The following G3BP1 variants were observed in gnomAD, a reference collection of about 807,000 sequenced individuals.
The protein encoded by G3BP1 is ras GTPase-activating protein-binding protein 1.
G3BP1 carries 35 observed loss-of-function variants against 58.6 expected under a neutral mutation model. That is an observed-to-expected ratio of 0.60 (90% CI 0.46 to 0.79). The LOEUF (loss-of-function observed/expected upper bound fraction) is 0.79. Ranked by LOEUF, G3BP1 falls within the 30% of genes least tolerant of loss-of-function variation. G3BP1 has a pLI of 0.00. For missense variants in G3BP1, 523 were observed against 580.8 expected (o/e 0.90, Z 1.02); for synonymous variants, 191 against 195.4 (o/e 0.98, Z 0.19).
Position 151,794,156 on chromosome 5 carries a change from C to A in G3BP1, c.352-3C>A, listed in dbSNP as rs1446687168. On this transcript the variant is annotated splice_polypyrimidine_tract_variant and splice_region_variant and intron_variant, in intron 4 of 11. Coordinates refer to ENST00000356245, the MANE Select transcript of G3BP1 (RefSeq NM_005754.3). ...AAATTAAAACTTTCTGTTGGCATTG[C>A]AGGGGTCTGTTGCAAATAAATTCTA... is the stretch of plus-strand genomic sequence containing the variant. 1.3e-6 allele frequency: 2 copies of A among 1,573,164 alleles called. No homozygotes were observed. The highest frequency in any genetic ancestry group is 1.7e-5 in the Admixed American group (1 of 59,862).
In G3BP1 at chr5:151,800,250, C is replaced by T. The variant is rs770183512; in HGVS notation, c.988C>T (p.Pro330Ser). 2.5e-6 allele frequency: 4 copies of T among 1,612,714 alleles called. No individual in the cohort carries two copies. The highest frequency in any genetic ancestry group is 3.4e-6 in the Non-Finnish European group (4 of 1,179,580). The change falls in exon 10 of 12, where the codon CCC (proline) becomes TCC (serine). Residue 330 changes from proline (P) to serine (S), a missense_variant. Physicochemically the swap from Pro to Ser is moderately conservative, Grantham distance 74. This residue lies in a region of G3BP1 where 398 missense variants were observed against 399.1 expected (regional missense o/e 1.00). Transcript: ENST00000356245. ...GGCTGGTGAGCAAGGTGACATTGAA[C>T]CCCGAAGAATGGTGAGACACCCTGA... ...REAGEQGDIE[P>S]RRMVRHPDSH...
chr5:151,796,772 A>G (rs1481681404), intron 6 of G3BP1, among the ~76,000 whole-genome samples: 1 of 152,180 alleles, frequency 6.6e-6, no homozygotes, highest in Non-Finnish European at 1.5e-5. Flanking sequence ...TGTTAACTGT[A>G]TAGATGTGGT....
chr5:151,802,935 A>T (rs370463845), intron 11 of G3BP1, among the ~76,000 whole-genome samples: 222 of 152,304 alleles, frequency 1.5e-3, no homozygotes, highest in Middle Eastern at 3.4e-3. Context: ...TCCATCTCAA[A>T]AAATAAATAA....
At chr5:151,779,190 G>A (rs539058293) in intron 1 of G3BP1, among the ~76,000 whole-genome samples, 57 of 152,252 alleles carry the variant, frequency 3.7e-4, no homozygotes, top group African/African-American at 1.3e-3. Flanking sequence ...GGCAGTCTAC[G>A]TGATCAATTC....
At chr5:151,787,766 T>C in intron 2 of G3BP1, 1 of 270,352 alleles carries the variant, frequency 3.7e-6, no homozygotes, top group South Asian at 3.3e-5. Context: ...CTTGACCAGC[T>C]TGCATATTGG....
intron 1 of G3BP1, among the ~76,000 whole-genome samples, chr5:151,785,865 G>A (rs544648222): frequency 6.6e-6 from 1 of 152,096 alleles, no homozygotes; most frequent in Admixed American, 6.5e-5. Context: ...ATTTAGATGG[G>A]CCAGAAAATG....
chr5:151,774,903 T>C (rs982666010), intron 1 of G3BP1, among the ~76,000 whole-genome samples: 3 of 151,052 alleles, frequency 2.0e-5, no homozygotes, highest in Non-Finnish European at 4.4e-5. Flanking sequence ...AGGTTTATAA[T>C]TTTATATCTC....
At chr5:151,795,341 C>T (rs1298895786) in intron 5 of G3BP1, 138 bp from the exon 6 acceptor site, 1 of 580,996 alleles carries the variant, frequency 1.7e-6, no homozygotes, top group Non-Finnish European at 3.1e-6. Flanking sequence ...AAAGTCAGTG[C>T]CATGATTTTA....
intron 1 of G3BP1, among the ~76,000 whole-genome samples, chr5:151,778,394 ATATCT>A (rs1167151721): frequency 6.6e-6 from 1 of 152,160 alleles, no homozygotes; most frequent in African/African-American, 2.4e-5. Context: ...CTTTGGCGAA[ATATCT>A]TTAAGTCTTT....
rs543326124 is a variant in G3BP1 at position 151,798,361 on chromosome 5, A to G, written c.742-851A>G. On this transcript the variant is annotated intron_variant, in intron 7 of 11. Coordinates refer to ENST00000356245, the MANE Select transcript of G3BP1 (RefSeq NM_005754.3). ...AAGACCTTGTCACAAGAACAAAACC[A>G]TAAGAAGCAAGTGGAAAAGTAGGTT... Among the ~76,000 whole-genome samples the G allele has an allele frequency of 4.3e-4, 65 of 152,180 alleles. 3 individuals carry two copies. The South Asian group carries it at 0.01, about 24-fold the overall frequency.
At position 151,790,717 on chromosome 5, in the gene G3BP1, C is replaced by T. The variant is rs80168777; in HGVS notation, c.178-172C>T. ...GACAGTTATTTAAAAAACTCAAGCG[C>T]GGTCACTGGGAATAGAGTATACAAA... On this transcript the variant is annotated intron_variant, in intron 3 of 11. Transcript: ENST00000356245. Among the ~76,000 whole-genome samples the T allele has an allele frequency of 8.8e-3, 1,334 of 152,088 alleles. 16 individuals are homozygous for T. Among genetic ancestry groups the T allele is most frequent in the African/African-American group, 0.031 (1,268 of 41,480 alleles).
At position 151,804,078 on chromosome 5, in the gene G3BP1, C is replaced by T. The variant is rs201757189; in HGVS notation, c.1388C>T (p.Ala463Val). Residue 463 changes from alanine (A) to valine (V), a missense_variant, in exon 12 of 12, where the codon GCG (alanine) becomes GTG (valine). Coordinates refer to ENST00000356245, the MANE Select transcript of G3BP1 (RefSeq NM_005754.3). ...GGATTTGGAGTGGGAAGGGGGCTTG[C>T]GCCACGGCAGTGAATCTTCATGGAT... ...KPGFGVGRGL[A>V]PRQ The T allele has an allele frequency of 1.3e-5, 21 of 1,600,910 alleles. No homozygotes were observed. Among genetic ancestry groups the T allele is most frequent in the Non-Finnish European group, 1.5e-5 (17 of 1,171,868 alleles).
Position 151,809,298 on chromosome 5 carries a change from T to G in G3BP1, c.*5207T>G, listed in dbSNP as rs963691696. 1.3e-5 allele frequency: 2 copies of G among 152,208 alleles called. No individual in the cohort carries two copies. Among genetic ancestry groups the G allele is most frequent in the African/African-American group, 4.8e-5 (2 of 41,458 alleles). 9.4% of individuals were successfully genotyped at this position (152,208 alleles called of 1,614,324 possible). Reference sequence around the variant, plus strand: ...TATGAAGATTGGATGTACACTGATTTGGCCCTTTAAATGACATTATACCAA... The same window carrying G: ...TATGAAGATTGGATGTACACTGATTGGGCCCTTTAAATGACATTATACCAA... On this transcript the variant is annotated 3_prime_UTR_variant, in exon 12 of 12. Transcript: ENST00000356245.
Position 151,800,199 on chromosome 5 carries a change from GT to G in G3BP1, c.956-14del. ...CTTCTTTCTCTTGTCTTTCATTGAT[GT>G]TTTTGTCTCCTTTTAAGTCCGTGAG... On this transcript the variant is annotated intron_variant, in intron 9 of 11. Coordinates refer to ENST00000356245, the MANE Select transcript of G3BP1 (RefSeq NM_005754.3). 1.2e-6 allele frequency: 2 copies of G among 1,609,854 alleles called. No individual in the cohort carries two copies. The highest frequency in any genetic ancestry group is 2.2e-5 in the East Asian group (1 of 44,868).
chr5:151,803,607 C>T (rs1238761174), intron 11 of G3BP1, among the ~76,000 whole-genome samples: 1 of 152,114 alleles, frequency 6.6e-6, no homozygotes, highest in Non-Finnish European at 1.5e-5. Flanking sequence ...ATTCTCCTGC[C>T]TCAGCCTCCT....
Position 151,788,570 on chromosome 5 carries a change from ATATG to A in G3BP1, c.96-1751_96-1748del, listed in dbSNP as rs1165017389. 7.2e-4 allele frequency among the ~76,000 whole-genome samples: 67 copies of A among 93,188 alleles called. No individual in the cohort carries two copies. The South Asian group carries it at 0.011, about 15-fold the overall frequency. The allele number at this position is 93,188 out of a possible 152,430, so 61.1% of individuals were successfully genotyped here. Reference sequence around the variant, plus strand: ...TGCACTACCATGCCCAGCTAAGTTTATATGTGTGTGTGTGTGTGTGTGTGTGTGT... The same window carrying A: ...TGCACTACCATGCCCAGCTAAGTTTATGTGTGTGTGTGTGTGTGTGTGTGT... On this transcript the variant is annotated intron_variant, in intron 2 of 11. Transcript: ENST00000356245.
At chr5:151,798,441 A>G (rs745566635) in intron 7 of G3BP1, among the ~76,000 whole-genome samples, 1 of 152,358 alleles carries the variant, frequency 6.6e-6, no homozygotes, top group South Asian at 2.1e-4. Flanking sequence ...GTGAGAGAGA[A>G]TGATGGCTTG....
Sources: allele counts gnomAD v4.1 joint callset (sites outside exome capture counted in the v4.1 genomes callset), GRCh38; gene constraint gnomAD v4.1.1; regional missense constraint gnomAD v4.1.1; transcripts MANE v1.5; gene names NCBI Gene and HGNC (gene_info 2026-07-23, HGNC 2026-07-21).